ZNF491: variants seen among roughly 807,000 people sequenced by gnomAD.
ZNF491 encodes the protein zinc finger protein 491.
Under a neutral mutation model 34.7 loss-of-function variants are expected in ZNF491, and 22 were observed. The observed-to-expected ratio is 0.63, with a 90% CI of 0.45 to 0.90. The LOEUF is 0.90. ZNF491 is among the 40% of genes least tolerant of loss of function. The pLI is 0.00. For missense variants in ZNF491, 559 were observed against 531.7 expected, an observed-to-expected ratio of 1.05 and a Z score of -0.51; for synonymous variants, 148 against 174.3, an observed-to-expected ratio of 0.85 and a Z score of 1.19.
rs530999643 is a variant in ZNF491 at position 11,808,442 on chromosome 19, C to CT, written c.*1183dup. Among the ~76,000 whole-genome samples the CT allele has an allele frequency of 5.0e-4, 75 of 150,598 alleles. 1 individual carries two copies. The highest frequency in any genetic ancestry group is 1.7e-3 in the African/African-American group (71 of 41,132). ...GTTGTGTACTTGCAAATGTTTTTCTCTTTTTTTTGTATACTGAGAAGCTCT... is the reference window on the plus strand; with the variant it reads ...GTTGTGTACTTGCAAATGTTTTTCTCTTTTTTTTTGTATACTGAGAAGCTCT... On this transcript the variant is annotated 3_prime_UTR_variant, in exon 3 of 3. Coordinates refer to ENST00000323169, the MANE Select transcript of ZNF491 (RefSeq NM_152356.4).
At chr19:11,804,793 G>T in intron 2 of ZNF491, 126 bp downstream of exon 2, 1 of 338,310 alleles carries the variant, frequency 3.0e-6, no homozygotes, top group Non-Finnish European at 4.9e-6. Context: ...CATGGCTGCA[G>T]TGTCCCATAA....
At chr19:11,804,975 A>C (rs188363165) in intron 2 of ZNF491, among the ~76,000 whole-genome samples, 1 of 152,386 alleles carries the variant, frequency 6.6e-6, no homozygotes, top group South Asian at 2.1e-4. Context: ...TCAGATTGTC[A>C]GAAATTGTTA....
chr19:11,799,865 G>A (rs1410811571), intron 1 of ZNF491, among the ~76,000 whole-genome samples: 3 of 152,076 alleles, frequency 2.0e-5, no homozygotes, highest in African/African-American at 7.2e-5. Flanking sequence ...CGCAGGAGGC[G>A]GAGGTTGCGT....
At position 11,804,637 on chromosome 19, in the gene ZNF491, C is replaced by A; in HGVS notation, c.-38C>A. On this transcript the variant is annotated 5_prime_UTR_variant, in exon 2 of 3. Transcript: ENST00000323169. ...AGAAGATCTCTACAGAGATGTGATG[C>A]AGGAAACCTTCACGAACCTCATCTG... is the stretch of plus-strand genomic sequence containing the variant. 1 of 1,460,004 alleles carries A rather than the reference C, an allele frequency of 6.8e-7. No individual in the cohort carries two copies. The highest frequency in any genetic ancestry group is 2.5e-5 in the Admixed American group (1 of 39,960). The allele number at this position is 1,460,004 out of a possible 1,614,324, so 90.4% of individuals were successfully genotyped here.
chr19:11,801,666 T>C (rs566560995), intron 1 of ZNF491, among the ~76,000 whole-genome samples: 2 of 152,354 alleles, frequency 1.3e-5, no homozygotes, highest in East Asian at 3.8e-4. Context: ...ATAATTTTTC[T>C]AGTTAATTAC....
Position 11,806,114 on chromosome 19 carries a change from G to T in ZNF491, c.161G>T (p.Arg54Met). 1 of 1,613,774 alleles carries T rather than the reference G, an allele frequency of 6.2e-7. No individual in the cohort carries two copies. Among genetic ancestry groups the T allele is most frequent in the African/African-American group, 1.3e-5 (1 of 74,998 alleles). ...EIFMGYSSFN[R>M]NIRTDTGHQP... Reference sequence around the variant, plus strand: ...TTCATGGGATATTCATCCTTTAATAGGAACATCAGAACTGACACTGGACAC... The same window carrying T: ...TTCATGGGATATTCATCCTTTAATATGAACATCAGAACTGACACTGGACAC... Residue 54 changes from arginine to methionine, a missense_variant, in exon 3 of 3, where the codon AGG (arginine) becomes ATG (methionine). By Grantham distance (91) the Arg-to-Met change is moderately conservative. Coordinates refer to ENST00000323169, the MANE Select transcript of ZNF491 (RefSeq NM_152356.4).
In ZNF491 at chr19:11,803,614, G is replaced by A. The variant is rs560465379; in HGVS notation, c.-133-928G>A. Among the ~76,000 whole-genome samples the A allele has an allele frequency of 2.0e-5, 3 of 152,270 alleles. No homozygotes were observed. The South Asian group carries it at 6.2e-4, about 32-fold the overall frequency. On this transcript the variant is annotated intron_variant, in intron 1 of 2. Transcript: ENST00000323169. ...CACTTTGACAGTTTTAAGAGTGCTG[G>A]TCAGGTATTCCATAGAATGTTCCTC...
At position 11,806,543 on chromosome 19, in the gene ZNF491, A is replaced by T. The variant is rs774180069; in HGVS notation, c.590A>T (p.Asn197Ile). Reference sequence around the variant, plus strand: ...TGTAAGGAGTGTGGGAAATCATTCAATTTTTCCAGTTCCTTTCGCAGACAT... The same window carrying T: ...TGTAAGGAGTGTGGGAAATCATTCATTTTTTCCAGTTCCTTTCGCAGACAT... ...YECKECGKSF[N>I]FSSSFRRHER... The change falls in exon 3 of 3, where the codon AAT becomes ATT. Residue 197 changes from asparagine to isoleucine, a missense_variant. Asn to Ile is a moderately radical substitution (Grantham distance 149). Coordinates refer to ENST00000323169, the MANE Select transcript of ZNF491 (RefSeq NM_152356.4). 7.4e-6 allele frequency: 12 copies of T among 1,613,774 alleles called. No homozygotes were observed. In the African/African-American group the frequency reaches 1.5e-4, roughly 20 times the overall value.
At chr19:11,804,726 C>T in intron 2 of ZNF491, 59 bp downstream of exon 2, 1 of 890,284 alleles carries the variant, frequency 1.1e-6, no homozygotes, top group Non-Finnish European at 1.5e-6. Flanking sequence ...TCTAGTTCAT[C>T]AGTGCTATTC....
chr19:11,804,655 C>T lies in ZNF491; in HGVS notation c.-20C>T. ...TGTGATGCAGGAAACCTTCACGAAC[C>T]TCATCTGTATAGGTAGGGGTGACAA... On this transcript the variant is annotated 5_prime_UTR_variant, in exon 2 of 3. Coordinates refer to ENST00000323169, the MANE Select transcript of ZNF491 (RefSeq NM_152356.4). 7.1e-7 allele frequency: 1 copy of T among 1,412,008 alleles called. No individual in the cohort carries two copies. Among genetic ancestry groups the T allele is most frequent in the Non-Finnish European group, 9.4e-7 (1 of 1,069,270 alleles). 87.5% of individuals were successfully genotyped at this position (1,412,008 alleles called of 1,614,324 possible).
intron 1 of ZNF491, among the ~76,000 whole-genome samples, chr19:11,800,580 G>T (rs913510205): frequency 6.7e-6 from 1 of 148,754 alleles, no homozygotes; most frequent in Non-Finnish European, 1.5e-5. Context: ...GAGTGCAATG[G>T]TGCTATCTTG....
intron 2 of ZNF491, among the ~76,000 whole-genome samples, chr19:11,805,409 C>CAAAAAAAAA (rs971587205): frequency 2.0e-5 from 1 of 48,992 alleles, no homozygotes; most frequent in Non-Finnish European, 4.3e-5. Flanking sequence ...AACTCCGTCT[C>CAAAAAAAAA]AAAAAAAAAA....
chr19:11,802,716 T>G (rs1457635575), intron 1 of ZNF491, among the ~76,000 whole-genome samples: 2 of 152,170 alleles, frequency 1.3e-5, no homozygotes, highest in African/African-American at 4.8e-5. Flanking sequence ...CAAAATTCGG[T>G]TTTTGTTTGT....
chr19:11,800,871 C>T (rs2145096249), intron 1 of ZNF491, among the ~76,000 whole-genome samples: 1 of 151,820 alleles, frequency 6.6e-6, no homozygotes, highest in South Asian at 2.1e-4. Context: ...CTACTGAAAA[C>T]AACCAAACAA....
At chr19:11,801,889 G>T (rs993594428) in intron 1 of ZNF491, among the ~76,000 whole-genome samples, 1 of 151,984 alleles carries the variant, frequency 6.6e-6, no homozygotes, top group Non-Finnish European at 1.5e-5. Context: ...ATATCCTGTT[G>T]TATATATATA....
At position 11,804,503 on chromosome 19, in the gene ZNF491, C is replaced by T. The variant is rs540607654; in HGVS notation, c.-133-39C>T. 2.7e-6 allele frequency: 4 copies of T among 1,498,802 alleles called. No individual in the cohort carries two copies. In the African/African-American group the frequency reaches 4.4e-5, roughly 16 times the overall value. 92.8% of individuals were successfully genotyped at this position (1,498,802 alleles called of 1,614,324 possible). On this transcript the variant is annotated intron_variant, in intron 1 of 2. Transcript: ENST00000323169. ...AGAGTCTAGGCCCCCAGTGCTGTCACTCTCACCCATCCTCCTCTACACATG... is the reference window on the plus strand; with the variant it reads ...AGAGTCTAGGCCCCCAGTGCTGTCATTCTCACCCATCCTCCTCTACACATG...
At chr19:11,805,184 C>A (rs554801897) in intron 2 of ZNF491, among the ~76,000 whole-genome samples, 1 of 150,968 alleles carries the variant, frequency 6.6e-6, no homozygotes, top group African/African-American at 2.4e-5. Flanking sequence ...CCAAGGTGGG[C>A]GGATCACCTG....
intron 1 of ZNF491, among the ~76,000 whole-genome samples, chr19:11,801,408 G>A (rs1975557941): frequency 1.3e-5 from 2 of 152,076 alleles, no homozygotes; most frequent in Non-Finnish European, 2.9e-5. Context: ...TATAATCTCA[G>A]CACTTTGGGA....
At position 11,806,225 on chromosome 19, in the gene ZNF491, G is replaced by A. The variant is rs905954543; in HGVS notation, c.272G>A (p.Arg91Gln). 7.4e-6 allele frequency: 12 copies of A among 1,613,294 alleles called. No individual in the cohort carries two copies. Among genetic ancestry groups the A allele is most frequent in the Admixed American group, 1.7e-5 (1 of 59,834 alleles). ...RKALSHSHCFRTHERPHTREK... is the reference protein window; with the variant it reads ...RKALSHSHCFQTHERPHTREK... ...GCCTTGAGCCATAGCCACTGCTTTC[G>A]AACACATGAAAGGCCTCACACTAGA... is the stretch of plus-strand genomic sequence containing the variant. The change falls in exon 3 of 3, where the codon CGA (arginine) becomes CAA (glutamine). Residue 91 changes from arginine (R) to glutamine (Q), a missense_variant. Coordinates refer to ENST00000323169, the MANE Select transcript of ZNF491 (RefSeq NM_152356.4).
Sources: allele counts gnomAD v4.1 joint callset (sites outside exome capture counted in the v4.1 genomes callset), GRCh38; gene constraint gnomAD v4.1.1; transcripts MANE v1.5; gene names NCBI Gene and HGNC (gene_info 2026-07-23, HGNC 2026-07-21).